Variants in FKBP15 observed in about 807,000 individuals in gnomAD.
The protein encoded by FKBP15 is FK506-binding protein 15.
FKBP15 carries 106 observed loss-of-function variants against 158.1 expected under a neutral mutation model. The ratio of observed to expected loss-of-function variants is 0.67; its 90% CI spans 0.57 to 0.79. The LOEUF is 0.79. FKBP15 is among the 30% of genes least tolerant of loss of function. The pLI is 0.00. For missense variants in FKBP15, 1,287 were observed against 1,479.1 expected, an observed-to-expected ratio of 0.87 and a Z score of 2.13; for synonymous variants, 547 against 548.6, an observed-to-expected ratio of 1.00 and a Z score of 0.04.
At chr9:113,211,907 A>G (rs1831014266) in intron 1 of FKBP15, among the ~76,000 whole-genome samples, 1 of 152,090 alleles carries the variant, frequency 6.6e-6, no homozygotes, top group Admixed American at 6.5e-5. Context: ...CCACCTATAA[A>G]CTGAAGTGAC....
At chr9:113,206,712 A>ATTTTTT (rs35902681) in intron 3 of FKBP15, 134 bp from the exon 4 acceptor site, 4 of 290,356 alleles carry the variant, frequency 1.4e-5, no homozygotes, top group Admixed American at 1.4e-4. Context: ...GCGGTTTAAA[A>ATTTTTT]TTTTTTTTTT....
At chr9:113,215,605 CGTGTGTGT>C (rs58387523) in intron 1 of FKBP15, among the ~76,000 whole-genome samples, 19 of 99,640 alleles carry the variant, frequency 1.9e-4, no homozygotes, top group Admixed American at 4.9e-4. Flanking sequence ...TATATGTGTG[CGTGTGTGT>C]GTGTGTGTGT....
rs139588550 is a variant in FKBP15 at position 113,196,045 on chromosome 9, C to T, written c.864+887G>A. Among the ~76,000 whole-genome samples the T allele has an allele frequency of 7.5e-3, 1,132 of 151,718 alleles. 14 individuals are homozygous for T. The highest frequency in any genetic ancestry group is 0.029 in the Admixed American group (447 of 15,248). ...ACACACACACATGCACACACACACA[C>T]GCACATATGAGACCATACTATCCAC... On this transcript the variant is annotated intron_variant, in intron 9 of 27. Coordinates refer to ENST00000238256, the MANE Select transcript of FKBP15 (RefSeq NM_015258.2).
At position 113,193,543 on chromosome 9, in the gene FKBP15, T is replaced by C. The variant is rs772981251; in HGVS notation, c.1014A>G (p.Pro338=). 1.3e-6 allele frequency: 2 copies of C among 1,598,076 alleles called. No homozygotes were observed. Among genetic ancestry groups the C allele is most frequent in the South Asian group, 2.3e-5 (2 of 88,278 alleles). The change falls in exon 11 of 28, where the codon CCA becomes CCG. Residue 338 remains proline (P), a synonymous_variant. Transcript: ENST00000238256. Reference sequence around the variant, plus strand: ...GGGAGTTAGATTTGGTACGAAGAGCTGGCTCCCTGAAAGCAAATAGACCAT... The same window carrying C: ...GGGAGTTAGATTTGGTACGAAGAGCCGGCTCCCTGAAAGCAAATAGACCAT... ...PTSIPFKSGE[P]ALRTKSNSLS...
intron 27 of FKBP15, among the ~76,000 whole-genome samples, chr9:113,166,452 C>T (rs11794908): frequency 0.15 from 23,022 of 152,210 alleles, 2,003 homozygotes; most frequent in Non-Finnish European, 0.19. Flanking sequence ...CATGCAGTAA[C>T]TTACACATTT....
chr9:113,176,893 C>A (rs763551008), intron 20 of FKBP15, among the ~76,000 whole-genome samples: 1 of 152,148 alleles, frequency 6.6e-6, no homozygotes, highest in Admixed American at 6.5e-5. Context: ...GGATTACAGG[C>A]GTGAGCCCCT....
At chr9:113,182,962 G>T in intron 18 of FKBP15, 94 bp from the exon 19 acceptor site, 1 of 984,330 alleles carries the variant, frequency 1.0e-6, no homozygotes, top group Non-Finnish European at 1.6e-6. Context: ...CAACATTGCT[G>T]CTCTATACCT....
rs187403637 is a variant in FKBP15 at position 113,188,000 on chromosome 9, T to A, written c.1277-101A>T. 1.6e-4 allele frequency: 135 copies of A among 867,350 alleles called. No individual in the cohort carries two copies. The African/African-American group carries it at 2.2e-3, about 14-fold the overall frequency. The allele number at this position is 867,350 out of a possible 1,614,324, so 53.7% of individuals were successfully genotyped here. On this transcript the variant is annotated intron_variant, in intron 13 of 27. Coordinates refer to ENST00000238256, the MANE Select transcript of FKBP15 (RefSeq NM_015258.2). ...CTATCATGCTTCAGACTCAACTATT[T>A]TCCTTGCCTAGTCTCCCTACACTCA...
intron 9 of FKBP15, among the ~76,000 whole-genome samples, chr9:113,195,232 C>T (rs1259437670): frequency 1.3e-5 from 2 of 152,128 alleles, no homozygotes; most frequent in Non-Finnish European, 2.9e-5. Flanking sequence ...AATTTCCCAC[C>T]ACAAAGAGTG....
In FKBP15 at chr9:113,193,516, GA is replaced by G. The variant is rs746354590; in HGVS notation, c.1040del (p.Leu347ProfsTer7). 61 of 1,598,776 alleles carry G rather than the reference GA, an allele frequency of 3.8e-5. No homozygotes were observed. Among genetic ancestry groups the G allele is most frequent in the Non-Finnish European group, 5.1e-5 (60 of 1,172,116 alleles). ...CTGTATTTATTGCAAGTTGTTCACT[GA>G]GGGAGTTAGATTTGGTACGAAGAGC... The part of the protein sequence containing the change: ...EPALRTKSNS[L>X]SEQLAINTSP... On this transcript the variant is annotated frameshift_variant, in exon 11 of 28. Coordinates refer to ENST00000238256, the MANE Select transcript of FKBP15 (RefSeq NM_015258.2). LOFTEE classifies it high-confidence loss of function.
At chr9:113,185,645 C>T (rs1830473809) in intron 15 of FKBP15, among the ~76,000 whole-genome samples, 2 of 152,308 alleles carry the variant, frequency 1.3e-5, no homozygotes, top group Middle Eastern at 3.4e-3. Context: ...TAGATACTCA[C>T]ATTTGTACAT....
At chr9:113,171,161 C>T (rs1830201904) in intron 24 of FKBP15, among the ~76,000 whole-genome samples, 1 of 152,234 alleles carries the variant, frequency 6.6e-6, no homozygotes, top group Non-Finnish European at 1.5e-5. Flanking sequence ...GGCATGGTGG[C>T]TCATGCCTGT....
chr9:113,188,040 T>C (rs1042500356), intron 13 of FKBP15, 141 bp from the exon 14 acceptor site: 9 of 683,864 alleles, frequency 1.3e-5, no homozygotes, highest in South Asian at 5.7e-5. Flanking sequence ...TACTGCAATC[T>C]CAGGAATGAG....
chr9:113,221,251 G>C lies in FKBP15; in HGVS notation c.-8C>G, dbSNP rs769852394. On this transcript the variant is annotated 5_prime_UTR_variant, in exon 1 of 28. Coordinates refer to ENST00000238256, the MANE Select transcript of FKBP15 (RefSeq NM_015258.2). Reference sequence around the variant, plus strand: ...GTCCCCCGCACCGAACATTGCGTTGGCTTTCACCGGGTTGCGGGGAGGAAG... The same window carrying C: ...GTCCCCCGCACCGAACATTGCGTTGCCTTTCACCGGGTTGCGGGGAGGAAG... 22 of 1,603,704 alleles carry C rather than the reference G, an allele frequency of 1.4e-5. 1 individual carries two copies. The South Asian group carries it at 2.1e-4, about 16-fold the overall frequency.
intron 4 of FKBP15, among the ~76,000 whole-genome samples, chr9:113,203,478 C>A (rs184918293): frequency 1.6e-3 from 242 of 152,214 alleles, no homozygotes; most frequent in Admixed American, 4.3e-3. Context: ...AGTCAATAAT[C>A]CCCACCCTGA....
Position 113,169,465 on chromosome 9 carries a change from C to T in FKBP15, c.3244G>A (p.Glu1082Lys), listed in dbSNP as rs1280092532. 5.0e-6 allele frequency: 8 copies of T among 1,614,054 alleles called. No individual in the cohort carries two copies. Among genetic ancestry groups the T allele is most frequent in the Non-Finnish European group, 6.8e-6 (8 of 1,179,922 alleles). Residue 1082 changes from glutamate to lysine, a missense_variant, in exon 26 of 28, where the codon GAA (glutamate) becomes AAA (lysine). Transcript: ENST00000238256. ...TGTAGTGGGCCATCTGGTGCTACTT[C>T]CCTGACACAGACCTTTCCTGATGGG... ...DNPSGKVCVR[E>K]VAPDGPLQES...
intron 11 of FKBP15, among the ~76,000 whole-genome samples, chr9:113,191,296 C>A (rs1830570025): frequency 6.6e-6 from 1 of 151,960 alleles, no homozygotes; most frequent in South Asian, 2.1e-4. Context: ...CCCCAGCCTC[C>A]CAAGTAGCTG....
chr9:113,218,993 A>G (rs1377026981), intron 1 of FKBP15, among the ~76,000 whole-genome samples: 1 of 152,182 alleles, frequency 6.6e-6, no homozygotes, highest in East Asian at 1.9e-4. Context: ...ATGCTTTGTG[A>G]TTATTATTCC....
intron 19 of FKBP15, 100 bp from the exon 20 acceptor site, chr9:113,178,901 CAG>C (rs1174631864): frequency 7.4e-6 from 9 of 1,222,118 alleles, no homozygotes; most frequent in Non-Finnish European, 1.0e-5. Flanking sequence ...AACTAGTAAA[CAG>C]GGAGTTATGG....
Sources: gnomAD v4.1 joint callset for allele counts (sites outside exome capture counted in the v4.1 genomes callset) on GRCh38, gnomAD v4.1.1 for gene constraint, MANE v1.5 for transcripts, NCBI Gene and HGNC (gene_info 2026-07-23, HGNC 2026-07-21) for gene names.